The following IAPP variants were observed in gnomAD, a reference collection of about 807,000 sequenced individuals.
IAPP encodes Islet amyloid polypeptide (diabetes-associated peptide; amylin).
IAPP carries 4 observed loss-of-function variants against 2.9 expected under a neutral mutation model. The observed-to-expected ratio is 1.39, with a 90% confidence interval of 0.69 to 3.19. The LOEUF (loss-of-function observed/expected upper bound fraction) is 3.19. Ranked by LOEUF, IAPP falls within the 30% of genes most tolerant of loss-of-function variation. The pLI is 0.01. For missense variants in IAPP, 114 were observed against 105.3 expected (o/e 1.08, Z -0.36); for synonymous variants, 40 against 42.1 (o/e 0.95, Z 0.19).
At chr12:21,360,599 C>T (rs1837949978) in intron 1 of IAPP, among the ~76,000 whole-genome samples, 4 of 152,114 alleles carry the variant, frequency 2.6e-5, no homozygotes, top group Admixed American at 2.6e-4. Flanking sequence ...ATTGCCTCAC[C>T]CAGGAAGCAC....
At chr12:21,373,625 G>C in intron 2 of IAPP, 194 bp downstream of exon 2, 2 of 700,090 alleles carry the variant, frequency 2.9e-6, no homozygotes, top group Non-Finnish European at 5.2e-6. Flanking sequence ...AAATATCTTT[G>C]ATGGAACTTC....
intron 1 of IAPP, among the ~76,000 whole-genome samples, chr12:21,357,698 T>C (rs971927171): frequency 6.6e-6 from 1 of 152,114 alleles, no homozygotes; most frequent in Admixed American, 6.6e-5. Flanking sequence ...AGCGATTATT[T>C]TTCATTTGTT....
Position 21,378,900 on chromosome 12 carries a change from C to G in IAPP, c.*474C>G, listed in dbSNP as rs192460276. 6.4e-6 allele frequency: 1 copy of G among 156,032 alleles called. No individual in the cohort carries two copies. Among genetic ancestry groups the G allele is most frequent in the African/African-American group, 2.4e-5 (1 of 41,524 alleles). The allele number at this position is 156,032 out of a possible 1,614,324, so 9.7% of individuals were successfully genotyped here. On this transcript the variant is annotated 3_prime_UTR_variant, in exon 3 of 3. Coordinates refer to ENST00000240652, the MANE Select transcript of IAPP (RefSeq NM_000415.3). ...GACCAGCCTGACCAACATGGTGAAA[C>G]CCTGTCTCTACTAAAAATACAAAAA...
At position 21,379,004 on chromosome 12, in the gene IAPP, G is replaced by T. The variant is rs1353502165; in HGVS notation, c.*578G>T. ...GCAGGAGAATCGCTTAAACCCAGGA[G>T]GCGGAGGTTGCAGTGAGCCGAGATT... On this transcript the variant is annotated 3_prime_UTR_variant, in exon 3 of 3. Coordinates refer to ENST00000240652, the MANE Select transcript of IAPP (RefSeq NM_000415.3). The T allele has an allele frequency of 6.6e-6, 1 of 152,554 alleles. No individual in the cohort carries two copies. Among genetic ancestry groups the T allele is most frequent in the East Asian group, 1.9e-4 (1 of 5,190 alleles). The allele number at this position is 152,554 out of a possible 1,614,324, so 9.5% of individuals were successfully genotyped here.
At chr12:21,377,903 T>C (rs886101811) in intron 2 of IAPP, among the ~76,000 whole-genome samples, 3 of 152,192 alleles carry the variant, frequency 2.0e-5, no homozygotes, top group African/African-American at 7.2e-5. Context: ...TCTTTTTATA[T>C]ATTAAAAATA....
At chr12:21,363,972 A>C (rs1463716756) in intron 1 of IAPP, among the ~76,000 whole-genome samples, 1 of 152,194 alleles carries the variant, frequency 6.6e-6, no homozygotes, top group Admixed American at 6.5e-5. Context: ...AGAGGTAAAA[A>C]GAGGAGCTGG....
At chr12:21,356,908 C>T (rs542583430) in intron 1 of IAPP, among the ~76,000 whole-genome samples, 210 of 151,844 alleles carry the variant, frequency 1.4e-3, no homozygotes, top group African/African-American at 4.6e-3. Flanking sequence ...TTCCAGTGCT[C>T]GTGGAAACTT....
chr12:21,373,269 A>T (rs887838124), intron 1 of IAPP, 68 bp from the exon 2 acceptor site: 6 of 980,516 alleles, frequency 6.1e-6, no homozygotes, highest in Non-Finnish European at 9.8e-6. Flanking sequence ...ACTAAGCTCT[A>T]ATTTAAAATT....
Position 21,378,684 on chromosome 12 carries a change from T to C in IAPP, c.*258T>C, listed in dbSNP as rs1180008910. ...CATAAGAACGTCATTTTGGGACCTATATCTCAGTGGCACAGGTTTAAGAAC... is the reference window on the plus strand; with the variant it reads ...CATAAGAACGTCATTTTGGGACCTACATCTCAGTGGCACAGGTTTAAGAAC... On this transcript the variant is annotated 3_prime_UTR_variant, in exon 3 of 3. Coordinates refer to ENST00000240652, the MANE Select transcript of IAPP (RefSeq NM_000415.3). The C allele has an allele frequency of 2.5e-6, 1 of 400,502 alleles. No homozygotes were observed. The highest frequency in any genetic ancestry group is 4.5e-6 in the Non-Finnish European group (1 of 220,508). The allele number at this position is 400,502 out of a possible 1,614,324, so 24.8% of individuals were successfully genotyped here. A position where few individuals can be genotyped will look rare whatever the true frequency, so the allele number is the denominator to read the frequency against.
chr12:21,359,187 G>A (rs998840668), intron 1 of IAPP, among the ~76,000 whole-genome samples: 3 of 151,988 alleles, frequency 2.0e-5, no homozygotes, highest in Admixed American at 1.3e-4. Context: ...GACCATCCCC[G>A]CATACTTCCT....
chr12:21,368,498 C>A (rs896902196), upstream of IAPP, among the ~76,000 whole-genome samples: 1 of 151,492 alleles, frequency 6.6e-6, no homozygotes. Flanking sequence ...AACTGGAAAA[C>A]GTGAATGCTG....
chr12:21,361,664 C>G (rs1298190166), intron 1 of IAPP, among the ~76,000 whole-genome samples: 4 of 152,142 alleles, frequency 2.6e-5, no homozygotes, highest in East Asian at 3.9e-4. Context: ...AGACGAATGG[C>G]AGTGTAGAGA....
intron 1 of IAPP, among the ~76,000 whole-genome samples, chr12:21,355,517 C>G (rs987645025): frequency 6.6e-6 from 1 of 152,058 alleles, no homozygotes; most frequent in African/African-American, 2.4e-5. Context: ...TCTGGGAGAC[C>G]TAAACTTTGA....
At chr12:21,362,239 A>G (rs1198648684) in intron 1 of IAPP, among the ~76,000 whole-genome samples, 3 of 152,188 alleles carry the variant, frequency 2.0e-5, no homozygotes, top group Non-Finnish European at 2.9e-5. Context: ...AGTGGGGGCC[A>G]ATATTCAACA....
chr12:21,373,495 A>G lies in IAPP; in HGVS notation c.80+64A>G, dbSNP rs1164551020. ...TAAAGTGTGAGAAAATTAGAATTAAATACTGTCAAATAACTACAGCCTTAG... is the reference window on the plus strand; with the variant it reads ...TAAAGTGTGAGAAAATTAGAATTAAGTACTGTCAAATAACTACAGCCTTAG... On this transcript the variant is annotated intron_variant, in intron 2 of 2. Coordinates refer to ENST00000240652, the MANE Select transcript of IAPP (RefSeq NM_000415.3). 1.3e-5 allele frequency: 14 copies of G among 1,040,006 alleles called. 1 individual carries two copies. In the South Asian group the frequency reaches 1.6e-4, roughly 12 times the overall value. The allele number at this position is 1,040,006 out of a possible 1,614,324, so 64.4% of individuals were successfully genotyped here.
intron 2 of IAPP, chr12:21,376,510 A>G (rs1462777099): frequency 6.1e-6 from 1 of 164,574 alleles, no homozygotes. Flanking sequence ...TGAGATTGAT[A>G]TAGGTTAAAT....
chr12:21,375,331 A>G (rs572523228), intron 2 of IAPP, among the ~76,000 whole-genome samples: 2 of 152,312 alleles, frequency 1.3e-5, no homozygotes, highest in South Asian at 4.1e-4. Context: ...TAAAGGGAGT[A>G]TGATTTGTCA....
chr12:21,359,664 A>G (rs10770802), intron 1 of IAPP, among the ~76,000 whole-genome samples: 48,873 of 151,596 alleles, frequency 0.32, 8,168 homozygotes, highest in East Asian at 0.46. Flanking sequence ...GGAGAATGGC[A>G]TGAACCCAGG....
chr12:21,364,264 A>T lies in IAPP; in HGVS notation c.-15-9073A>T, dbSNP rs1469285098. ...CAACATATGCAAATCAATAAACATA[A>T]TCCATCATATAAACAGAACCAAAGA... On this transcript the variant is annotated intron_variant, in intron 1 of 2. Coordinates refer to the IAPP transcript ENST00000539393. Among the ~76,000 whole-genome samples the T allele has an allele frequency of 3.3e-5, 5 of 152,352 alleles. No homozygotes were observed. The East Asian group carries it at 9.6e-4, about 29-fold the overall frequency.
Sources: allele counts gnomAD v4.1 joint callset (sites outside exome capture counted in the v4.1 genomes callset), GRCh38; gene constraint gnomAD v4.1.1; transcripts MANE v1.5; gene names NCBI Gene and HGNC (gene_info 2026-07-23, HGNC 2026-07-21).